Variants in ROBO1 observed in about 807,000 individuals in gnomAD.
The protein encoded by ROBO1 is roundabout homolog 1.
Under a neutral mutation model 195.9 loss-of-function variants are expected in ROBO1, and 149 were observed. The ratio of observed to expected loss-of-function variants is 0.76; its 90% confidence interval spans 0.67 to 0.87. The LOEUF is 0.87. ROBO1 is among the 40% of genes least tolerant of loss of function. The probability of loss-of-function intolerance (pLI) is 0.00; values close to 1 mark genes in which losing one functional copy is unlikely to be tolerated. For missense variants in ROBO1, 1,933 were observed against 2,068.3 expected, an observed-to-expected ratio of 0.93 and a Z score of 1.27; for synonymous variants, 816 against 733.2, an observed-to-expected ratio of 1.11 and a Z score of -1.82.
At chr3:79,567,104 G>T (rs1559998947) in intron 2 of ROBO1, among the ~76,000 whole-genome samples, 1 of 152,140 alleles carries the variant, frequency 6.6e-6, no homozygotes, top group Non-Finnish European at 1.5e-5. Context: ...CCATTGCAGG[G>T]GCAGGGGTGG....
chr3:79,610,656 C>G (rs1220139824), intron 1 of ROBO1, among the ~76,000 whole-genome samples: 1 of 151,902 alleles, frequency 6.6e-6, no homozygotes, highest in African/African-American at 2.4e-5. Context: ...TGTGAGCAAG[C>G]CTTCAGATTC....
chr3:79,269,466 G>A (rs1305374951), intron 2 of ROBO1, among the ~76,000 whole-genome samples: 2 of 151,546 alleles, frequency 1.3e-5, no homozygotes, highest in African/African-American at 4.8e-5. Flanking sequence ...ACTAGTTGGG[G>A]ACAAAGGGAA....
intron 4 of ROBO1, among the ~76,000 whole-genome samples, chr3:78,797,097 A>G (rs190200738): frequency 1.1e-4 from 16 of 152,226 alleles, no homozygotes; most frequent in Admixed American, 3.9e-4. Context: ...CTAACTTTCT[A>G]AAACTTTCAG....
At chr3:78,932,344 A>G (rs2039577970) in intron 4 of ROBO1, among the ~76,000 whole-genome samples, 1 of 152,210 alleles carries the variant, frequency 6.6e-6, no homozygotes, top group South Asian at 2.1e-4. Context: ...TCTAAGTATC[A>G]ACTAGTGTTG....
chr3:78,784,933 C>T (rs2083786384), intron 4 of ROBO1, among the ~76,000 whole-genome samples: 1 of 152,140 alleles, frequency 6.6e-6, no homozygotes, highest in African/African-American at 2.4e-5. Context: ...CATTCTATAA[C>T]ACAAAAAGCA....
intron 2 of ROBO1, among the ~76,000 whole-genome samples, chr3:79,283,797 A>C (rs955801752): frequency 2.7e-5 from 4 of 150,386 alleles, no homozygotes; most frequent in Non-Finnish European, 4.4e-5. Context: ...TCCCGGGTTC[A>C]CGCCATTCTC....
chr3:78,887,110 GAAGA>G (rs1285113584), intron 4 of ROBO1, among the ~76,000 whole-genome samples: 2 of 152,052 alleles, frequency 1.3e-5, no homozygotes, highest in African/African-American at 4.8e-5. Context: ...TCTTAGTATT[GAAGA>G]AAGAAATTAA....
intron 3 of ROBO1, among the ~76,000 whole-genome samples, chr3:78,953,339 A>G (rs1468352524): frequency 6.6e-6 from 1 of 151,182 alleles, no homozygotes; most frequent in Non-Finnish European, 1.5e-5. Flanking sequence ...TGCAAACTGA[A>G]GAATTTTACT....
intron 1 of ROBO1, among the ~76,000 whole-genome samples, chr3:79,679,392 C>A (rs917002445): frequency 1.1e-4 from 16 of 151,764 alleles, no homozygotes; most frequent in African/African-American, 3.9e-4. Context: ...TAGGTTATTT[C>A]AAGTATTCTC....
chr3:78,863,294 C>T (rs188064005), intron 4 of ROBO1, among the ~76,000 whole-genome samples: 61 of 152,168 alleles, frequency 4.0e-4, no homozygotes, highest in African/African-American at 1.3e-3. Flanking sequence ...ATATCTGATC[C>T]ATTTAGAACT....
chr3:79,543,277 C>T (rs906960206), intron 2 of ROBO1, among the ~76,000 whole-genome samples: 6 of 151,948 alleles, frequency 3.9e-5, no homozygotes, highest in African/African-American at 1.2e-4. Context: ...ATTCCAGATT[C>T]GCTTTTTTCA....
intron 2 of ROBO1, among the ~76,000 whole-genome samples, chr3:79,464,627 A>T (rs946120897): frequency 1.3e-5 from 2 of 151,838 alleles, no homozygotes; most frequent in East Asian, 1.9e-4. Context: ...TATTTTTTAT[A>T]TTGTTTGGAT....
intron 2 of ROBO1, among the ~76,000 whole-genome samples, chr3:79,301,686 G>T (rs1402992401): frequency 6.6e-6 from 1 of 152,008 alleles, no homozygotes; most frequent in Non-Finnish European, 1.5e-5. Flanking sequence ...CCAATGGAAG[G>T]AAATATATAG....
chr3:78,884,650 AG>A (rs1297226064), intron 4 of ROBO1, among the ~76,000 whole-genome samples: 4,809 of 37,452 alleles, frequency 0.13, 168 homozygotes, highest in African/African-American at 0.27. Context: ...AAAGAAAGAA[AG>A]GAAGGAAGGA....
chr3:78,802,125 G>T (rs1046694260), intron 4 of ROBO1, among the ~76,000 whole-genome samples: 2 of 152,102 alleles, frequency 1.3e-5, no homozygotes, highest in Non-Finnish European at 2.9e-5. Context: ...GTTATACTAA[G>T]AAGAGATTTT....
At chr3:79,564,311 G>A (rs890767604) in intron 2 of ROBO1, among the ~76,000 whole-genome samples, 2 of 152,006 alleles carry the variant, frequency 1.3e-5, no homozygotes, top group Non-Finnish European at 2.9e-5. Context: ...CACAGGGCCA[G>A]TGGACTTTCA....
chr3:78,931,983 A>G (rs2039557786), intron 4 of ROBO1, among the ~76,000 whole-genome samples: 1 of 152,154 alleles, frequency 6.6e-6, no homozygotes, highest in Admixed American at 6.5e-5. Flanking sequence ...TCAAAAATAA[A>G]AAAAAAGTTT....
At chr3:78,995,257 C>G (rs1009724297) in intron 3 of ROBO1, among the ~76,000 whole-genome samples, 1 of 152,150 alleles carries the variant, frequency 6.6e-6, no homozygotes. Context: ...CAAAGTATGT[C>G]CCAAATCCTG....
intron 2 of ROBO1, among the ~76,000 whole-genome samples, chr3:79,248,888 A>T (rs940969821): frequency 5.3e-5 from 8 of 152,092 alleles, no homozygotes; most frequent in African/African-American, 1.9e-4. Context: ...TGTTCCATTC[A>T]CTGAGGGTGC....
Sources: allele counts gnomAD v4.1 joint callset (sites outside exome capture counted in the v4.1 genomes callset), GRCh38; gene constraint gnomAD v4.1.1; transcripts MANE v1.5; gene names NCBI Gene and HGNC (gene_info 2026-07-23, HGNC 2026-07-21).